C1orf87: variants seen among roughly 807,000 people sequenced by gnomAD.
The protein encoded by C1orf87 is uncharacterized protein C1orf87.
A neutral mutation model predicts 60.5 loss-of-function variants in C1orf87; 58 were observed. That is an observed-to-expected ratio of 0.96 (90% CI 0.78 to 1.19). The LOEUF (loss-of-function observed/expected upper bound fraction) is 1.19, where lower values mean the gene tolerates loss of function less well. Among genes scored for constraint, C1orf87 ranks in the 50% most tolerant of loss-of-function variants. The pLI, the probability that C1orf87 is intolerant of heterozygous loss-of-function variation, is 0.00. For missense variants in C1orf87, 673 were observed against 638.6 expected (o/e 1.05, Z -0.58); for synonymous variants, 236 against 227.4 (o/e 1.04, Z -0.34).
In C1orf87 at chr1:60,038,027, C is replaced by G. The variant is rs143573804; in HGVS notation, c.828G>C (p.Leu276=). The change falls in exon 6 of 12, where the codon CTG becomes CTC. Residue 276 remains leucine (L), a synonymous_variant. Transcript: ENST00000371201. The part of the protein sequence containing the change: ...YPQQNKAAAD[L]RKTESHGTHS... ...GAGTGCCATGACTCTCAGTTTTTCTCAGGTCTGCAGCTGCTTTATTTTGCT... is the reference window on the plus strand; with the variant it reads ...GAGTGCCATGACTCTCAGTTTTTCTGAGGTCTGCAGCTGCTTTATTTTGCT... The G allele has an allele frequency of 6.2e-7, 1 of 1,610,466 alleles. No individual in the cohort carries two copies. Among genetic ancestry groups the G allele is most frequent in the Non-Finnish European group, 8.5e-7 (1 of 1,177,414 alleles).
At chr1:60,053,536 A>G (rs1304578590) in intron 3 of C1orf87, among the ~76,000 whole-genome samples, 1 of 152,112 alleles carries the variant, frequency 6.6e-6, no homozygotes, top group African/African-American at 2.4e-5. Context: ...GAACCATTAA[A>G]GATGATGCGT....
At chr1:59,997,376 T>G (rs1644970585) in intron 11 of C1orf87, among the ~76,000 whole-genome samples, 1 of 152,182 alleles carries the variant, frequency 6.6e-6, no homozygotes, top group Non-Finnish European at 1.5e-5. Flanking sequence ...GGGTTTACTT[T>G]TTGGCAGTAG....
intron 5 of C1orf87, among the ~76,000 whole-genome samples, chr1:60,038,500 A>C (rs1349496541): frequency 6.6e-6 from 1 of 152,140 alleles, no homozygotes; most frequent in Non-Finnish European, 1.5e-5. Flanking sequence ...AACAGTGTTA[A>C]GAAGAACTAT....
chr1:59,995,406 A>G (rs1166076642), intron 11 of C1orf87, among the ~76,000 whole-genome samples: 1 of 152,106 alleles, frequency 6.6e-6, no homozygotes, highest in Non-Finnish European at 1.5e-5. Context: ...CCGCATGTAC[A>G]TTTGGATACT....
At chr1:60,001,800 C>T (rs569783221) in intron 9 of C1orf87, among the ~76,000 whole-genome samples, 2 of 152,182 alleles carry the variant, frequency 1.3e-5, no homozygotes, top group East Asian at 1.9e-4. Flanking sequence ...TTTCAATGGT[C>T]GGTGGTACTG....
At chr1:60,043,008 G>A (rs1645337821) in intron 3 of C1orf87, among the ~76,000 whole-genome samples, 1 of 152,192 alleles carries the variant, frequency 6.6e-6, no homozygotes, top group South Asian at 2.1e-4. Context: ...GATTTGGATA[G>A]GCTAACAAGT....
At position 60,033,620 on chromosome 1, in the gene C1orf87, G is replaced by A. The variant is rs1645254790; in HGVS notation, c.885C>T (p.Ser295=). The A allele has an allele frequency of 6.2e-7, 1 of 1,613,054 alleles. No individual in the cohort carries two copies. Among genetic ancestry groups the A allele is most frequent in the Non-Finnish European group, 8.5e-7 (1 of 1,179,446 alleles). Residue 295 remains serine (S), a synonymous_variant, in exon 7 of 12, where the codon AGC becomes AGT. Transcript: ENST00000371201. ...GACTCCTGTTCACTTCTGGCTGTGA[G>A]CTGGAGTGCTGAGGTGGAGTGCTGA... ...HSQSTPPQHS[S]SQPEVNRSLL... is the part of the protein sequence containing the mutation.
chr1:60,005,337 G>T (rs1645036223), intron 9 of C1orf87, among the ~76,000 whole-genome samples: 1 of 152,026 alleles, frequency 6.6e-6, no homozygotes. Flanking sequence ...CTATATGCTG[G>T]GCACTATAGG....
chr1:60,010,906 A>ATAAG (rs200638194), intron 8 of C1orf87: 1 of 143,974 alleles, frequency 6.9e-6, no homozygotes. Flanking sequence ...AAATAAATAA[A>ATAAG]TAAATAAAAA....
chr1:60,073,500 C>T (rs902125596), intron 1 of C1orf87, among the ~76,000 whole-genome samples, 190 bp downstream of exon 1: 3 of 152,196 alleles, frequency 2.0e-5, no homozygotes, highest in Non-Finnish European at 2.9e-5. Context: ...ATGTCTAGGC[C>T]AGGGTTCTTC....
intron 2 of C1orf87, among the ~76,000 whole-genome samples, chr1:60,061,570 A>T (rs912035309): frequency 4.6e-5 from 7 of 151,574 alleles, no homozygotes; most frequent in African/African-American, 1.7e-4. Context: ...TCTGCTGGAG[A>T]TGTTTCTTTT....
At position 60,029,994 on chromosome 1, in the gene C1orf87, C is replaced by T. The variant is rs17120015; in HGVS notation, c.1029+3482G>A. On this transcript the variant is annotated intron_variant, in intron 7 of 11. Transcript: ENST00000371201. Reference sequence around the variant, plus strand: ...CCTGTCCTCTAAGATTCAGTGTTTACATCATCTCCTCTGGAGAGCTTTCAG... The same window carrying T: ...CCTGTCCTCTAAGATTCAGTGTTTATATCATCTCCTCTGGAGAGCTTTCAG... Among the ~76,000 whole-genome samples, 1,316 of 152,248 alleles carry T rather than the reference C, an allele frequency of 8.6e-3. 23 individuals are homozygous for T. Among genetic ancestry groups the T allele is most frequent in the African/African-American group, 0.03 (1,243 of 41,540 alleles).
intron 11 of C1orf87, among the ~76,000 whole-genome samples, chr1:59,995,236 AT>A (rs1184097016): frequency 1.3e-5 from 2 of 152,208 alleles, no homozygotes; most frequent in African/African-American, 2.4e-5. Flanking sequence ...TAGCAATGTC[AT>A]TTTTTTAAAA....
At chr1:59,996,169 A>G (rs1644962405) in intron 11 of C1orf87, among the ~76,000 whole-genome samples, 1 of 152,260 alleles carries the variant, frequency 6.6e-6, no homozygotes, top group Non-Finnish European at 1.5e-5. Context: ...AAAGCAAAAC[A>G]AAAACACACA....
At chr1:60,068,614 A>G (rs1183293623) in intron 2 of C1orf87, among the ~76,000 whole-genome samples, 1 of 152,214 alleles carries the variant, frequency 6.6e-6, no homozygotes, top group Non-Finnish European at 1.5e-5. Context: ...ACCAAAATCA[A>G]CACATACTGT....
At chr1:60,023,971 T>G (rs144046575) in intron 8 of C1orf87, among the ~76,000 whole-genome samples, 1 of 152,348 alleles carries the variant, frequency 6.6e-6, no homozygotes, top group East Asian at 1.9e-4. Flanking sequence ...CTAGAAGTTC[T>G]ATTTGGATCT....
At chr1:59,994,594 GCAA>G (rs1391230128) in intron 11 of C1orf87, among the ~76,000 whole-genome samples, 1 of 152,052 alleles carries the variant, frequency 6.6e-6, no homozygotes, top group African/African-American at 2.4e-5. Flanking sequence ...AATTCCAAAT[GCAA>G]CATTCACCCA....
chr1:60,036,239 C>G (rs977173405), intron 6 of C1orf87, among the ~76,000 whole-genome samples: 3 of 152,106 alleles, frequency 2.0e-5, no homozygotes, highest in Non-Finnish European at 4.4e-5. Context: ...GCAAAGTAAG[C>G]CTGACAAACA....
chr1:60,011,981 A>C (rs1408484165), intron 8 of C1orf87, among the ~76,000 whole-genome samples: 1 of 152,096 alleles, frequency 6.6e-6, no homozygotes, highest in Non-Finnish European at 1.5e-5. Context: ...AGGTCTAGGC[A>C]GGTAAGAGAA....
Sources: gnomAD v4.1 joint callset for allele counts (sites outside exome capture counted in the v4.1 genomes callset) on GRCh38, gnomAD v4.1.1 for gene constraint, MANE v1.5 for transcripts, NCBI Gene and HGNC (gene_info 2026-07-23, HGNC 2026-07-21) for gene names.